DDHD1: variants seen among roughly 807,000 people sequenced by gnomAD.
DDHD1 encodes the protein phospholipase DDHD1.
DDHD1 carries 49 observed loss-of-function variants against 96.4 expected under a neutral mutation model. The observed-to-expected ratio is 0.51, with a 90% CI of 0.40 to 0.64. The LOEUF (loss-of-function observed/expected upper bound fraction) is 0.64, where lower values mean the gene tolerates loss of function less well. Ranked by LOEUF, DDHD1 falls within the 30% of genes least tolerant of loss-of-function variation. The pLI is 0.00. For synonymous variants in DDHD1, 442 were observed against 446.5 expected (o/e 0.99, Z 0.13); for missense variants, 1,106 against 1,161.2 (o/e 0.95, Z 0.69).
At chr14:53,067,474 T>TA (rs1167932326) in intron 6 of DDHD1, among the ~76,000 whole-genome samples, 11 of 150,060 alleles carry the variant, frequency 7.3e-5, no homozygotes, top group South Asian at 6.4e-4. Flanking sequence ...TTTTTTTTTT[T>TA]AGAGATGGAA....
intron 11 of DDHD1, chr14:53,053,514 A>C (rs1940093359): frequency 6.6e-6 from 1 of 152,146 alleles, no homozygotes; most frequent in African/African-American, 2.4e-5. Flanking sequence ...TTCAGCCTCT[A>C]GGAGTGTCAC....
At position 53,044,115 on chromosome 14, in the gene DDHD1, T is replaced by C. The variant is rs1420634017; in HGVS notation, c.*2653A>G. On this transcript the variant is annotated 3_prime_UTR_variant, in exon 13 of 13. Coordinates refer to ENST00000673822, the MANE Select transcript of DDHD1 (RefSeq NM_001160148.2). Reference sequence around the variant, plus strand: ...ACACAGTCTGTATATTAATTAAGTATATACAAATACATCCAATGTTAACAT... The same window carrying C: ...ACACAGTCTGTATATTAATTAAGTACATACAAATACATCCAATGTTAACAT... 2 of 152,222 alleles carry C rather than the reference T, an allele frequency of 1.3e-5. No individual in the cohort carries two copies. The highest frequency in any genetic ancestry group is 2.4e-5 in the African/African-American group (1 of 41,454). 9.4% of individuals were successfully genotyped at this position (152,222 alleles called of 1,614,324 possible). A position where few individuals can be genotyped will look rare whatever the true frequency, so the allele number is the denominator to read the frequency against.
At chr14:53,113,107 G>A (rs987912644) in intron 1 of DDHD1, among the ~76,000 whole-genome samples, 2 of 151,570 alleles carry the variant, frequency 1.3e-5, no homozygotes, top group South Asian at 2.1e-4. Context: ...ATATAGGGGT[G>A]CACCACCACA....
intron 7 of DDHD1, 162 bp from the exon 8 acceptor site, chr14:53,061,363 A>G (rs984535271): frequency 1.4e-5 from 7 of 501,916 alleles, no homozygotes; most frequent in African/African-American, 1.4e-4. Flanking sequence ...CACAGTACAG[A>G]AAGTATATAA....
chr14:53,130,252 C>T (rs1889767919), intron 1 of DDHD1, among the ~76,000 whole-genome samples: 1 of 151,552 alleles, frequency 6.6e-6, no homozygotes, highest in Non-Finnish European at 1.5e-5. Flanking sequence ...ACAATTTCCT[C>T]TCAAAGAAGT....
Position 53,041,882 on chromosome 14 carries a change from G to A in DDHD1, c.*4886C>T, listed in dbSNP as rs1012693642. ...GCTTAAAGCATCAGATTACAGAGGT[G>A]TATGTGTGGAGGGGAGGTTGGGGGA... is the stretch of plus-strand genomic sequence containing the variant. On this transcript the variant is annotated 3_prime_UTR_variant, in exon 13 of 13. Coordinates refer to ENST00000673822, the MANE Select transcript of DDHD1 (RefSeq NM_001160148.2). 18 of 152,110 alleles carry A rather than the reference G, an allele frequency of 1.2e-4. No homozygotes were observed. The highest frequency in any genetic ancestry group is 4.3e-4 in the African/African-American group (18 of 41,396). 9.4% of individuals were successfully genotyped at this position (152,110 alleles called of 1,614,324 possible). A position where few individuals can be genotyped will look rare whatever the true frequency, so the allele number is the denominator to read the frequency against.
intron 4 of DDHD1, among the ~76,000 whole-genome samples, chr14:53,089,652 G>T (rs1886272647): frequency 6.6e-6 from 1 of 152,124 alleles, no homozygotes; most frequent in African/African-American, 2.4e-5. Context: ...GCTGAAACTG[G>T]ATCCCTTCCT....
intron 6 of DDHD1, among the ~76,000 whole-genome samples, chr14:53,066,019 C>T (rs536417035): frequency 6.6e-6 from 1 of 152,168 alleles, no homozygotes; most frequent in African/African-American, 2.4e-5. Context: ...ACTTTATACA[C>T]ATTTCATTTT....
At chr14:53,113,536 C>A (rs946969486) in intron 1 of DDHD1, among the ~76,000 whole-genome samples, 1 of 152,048 alleles carries the variant, frequency 6.6e-6, no homozygotes, top group African/African-American at 2.4e-5. Context: ...TTCTGCATTT[C>A]CAACTGAGGT....
chr14:53,110,803 C>T (rs1888044011), intron 1 of DDHD1, among the ~76,000 whole-genome samples: 1 of 151,978 alleles, frequency 6.6e-6, no homozygotes, highest in Non-Finnish European at 1.5e-5. Flanking sequence ...TGGTGAAACC[C>T]TGTCTCTACT....
chr14:53,111,239 T>C (rs568245324), intron 1 of DDHD1, among the ~76,000 whole-genome samples: 228 of 152,330 alleles, frequency 1.5e-3, no homozygotes, highest in Middle Eastern at 0.01. Flanking sequence ...GATCAGCCCC[T>C]GAACTATTAA....
At chr14:53,088,189 C>G (rs1886142266) in intron 4 of DDHD1, among the ~76,000 whole-genome samples, 1 of 152,012 alleles carries the variant, frequency 6.6e-6, no homozygotes, top group African/African-American at 2.4e-5. Flanking sequence ...AACCTACCAA[C>G]CAAAAAAAGT....
Position 53,042,729 on chromosome 14 carries a change from G to A in DDHD1, c.*4039C>T, listed in dbSNP as rs371722256. ...AGGCTTGAGGCACAGGAATGACAGCGGAATACAGATAAGGGATAGAAAACT... is the reference window on the plus strand; with the variant it reads ...AGGCTTGAGGCACAGGAATGACAGCAGAATACAGATAAGGGATAGAAAACT... On this transcript the variant is annotated 3_prime_UTR_variant, in exon 13 of 13. Coordinates refer to ENST00000673822, the MANE Select transcript of DDHD1 (RefSeq NM_001160148.2). 30 of 152,286 alleles carry A rather than the reference G, an allele frequency of 2.0e-4. No homozygotes were observed. Among genetic ancestry groups the A allele is most frequent in the East Asian group, 1.7e-3 (9 of 5,190 alleles). 9.4% of individuals were successfully genotyped at this position (152,286 alleles called of 1,614,324 possible).
At chr14:53,140,291 TGGTAGGTCGA>T (rs1277585651) in intron 1 of DDHD1, among the ~76,000 whole-genome samples, 68 of 152,334 alleles carry the variant, frequency 4.5e-4, no homozygotes, top group African/African-American at 1.6e-3. Context: ...CCCAGCACTT[TGGTAGGTCGA>T]GGTGGGTAGA....
At chr14:53,048,894 A>G (rs1882282351) in intron 12 of DDHD1, 1 of 152,212 alleles carries the variant, frequency 6.6e-6, no homozygotes, top group Non-Finnish European at 1.5e-5. Context: ...AAACAGTTGG[A>G]AAATGTGTTA....
rs1366434579 is a variant in DDHD1 at position 53,045,392 on chromosome 14, T to C, written c.*1376A>G. Reference sequence around the variant, plus strand: ...GTACACCACTACAAGTGGCTAATTTTTGTCAGTTTTTGCAGAGAAGAGGGT... The same window carrying C: ...GTACACCACTACAAGTGGCTAATTTCTGTCAGTTTTTGCAGAGAAGAGGGT... On this transcript the variant is annotated 3_prime_UTR_variant, in exon 13 of 13. Coordinates refer to ENST00000673822, the MANE Select transcript of DDHD1 (RefSeq NM_001160148.2). 1.3e-5 allele frequency: 2 copies of C among 152,056 alleles called. No individual in the cohort carries two copies. Among genetic ancestry groups the C allele is most frequent in the Non-Finnish European group, 1.5e-5 (1 of 68,022 alleles). 9.4% of individuals were successfully genotyped at this position (152,056 alleles called of 1,614,324 possible). A position where few individuals can be genotyped will look rare whatever the true frequency, so the allele number is the denominator to read the frequency against.
At chr14:53,116,851 GA>G (rs1420293980) in intron 1 of DDHD1, among the ~76,000 whole-genome samples, 3 of 152,140 alleles carry the variant, frequency 2.0e-5, no homozygotes, top group Non-Finnish European at 4.4e-5. Context: ...AAAGCTGGCA[GA>G]AGCAAGAAAT....
At chr14:53,067,301 G>C (rs1884111914) in intron 6 of DDHD1, among the ~76,000 whole-genome samples, 3 of 151,914 alleles carry the variant, frequency 2.0e-5, no homozygotes, top group Admixed American at 2.0e-4. Flanking sequence ...TGGGACTACA[G>C]GTGCCTGTCA....
rs79498380 is a variant in DDHD1 at position 53,115,236 on chromosome 14, G to A, written c.839-11380C>T. On this transcript the variant is annotated intron_variant, in intron 1 of 12. Transcript: ENST00000673822. ...GAAATATGGCACTATGTGAGAAGAC[G>A]AAACCTAAGTTTAACTGGTATACCT... Among the ~76,000 whole-genome samples the A allele has an allele frequency of 3.2e-3, 491 of 152,236 alleles. 4 individuals carry two copies. The highest frequency in any genetic ancestry group is 0.01 in the African/African-American group (417 of 41,546).
Sources: gnomAD v4.1 joint callset for allele counts (sites outside exome capture counted in the v4.1 genomes callset) on GRCh38, gnomAD v4.1.1 for gene constraint, MANE v1.5 for transcripts, NCBI Gene and HGNC (gene_info 2026-07-23, HGNC 2026-07-21) for gene names.